The following CNTNAP5 variants were observed in gnomAD, a reference collection of about 807,000 sequenced individuals.
The protein encoded by CNTNAP5 is contactin associated protein family member 5, also known as contactin-associated protein-like 5.
Under a neutral mutation model 150.2 loss-of-function variants are expected in CNTNAP5, and 72 were observed. That is an observed-to-expected ratio of 0.48 (90% CI 0.40 to 0.58). CNTNAP5 has a LOEUF of 0.58. Ranked by LOEUF, CNTNAP5 falls within the 20% of genes least tolerant of loss-of-function variation. The pLI, the probability that CNTNAP5 is intolerant of heterozygous loss-of-function variation, is 0.00. For missense variants in CNTNAP5, 1,636 were observed against 1,626.2 expected, an observed-to-expected ratio of 1.01 and a Z score of -0.10; for synonymous variants, 672 against 619.8, an observed-to-expected ratio of 1.08 and a Z score of -1.25.
At chr2:124,740,894 A>G (rs1680484310) in intron 13 of CNTNAP5, among the ~76,000 whole-genome samples, 1 of 152,032 alleles carries the variant, frequency 6.6e-6, no homozygotes, top group South Asian at 2.1e-4. Context: ...GGGCAGGTGG[A>G]AACATGCATG....
intron 1 of CNTNAP5, among the ~76,000 whole-genome samples, chr2:124,062,248 T>G (rs1326421187): frequency 6.6e-6 from 1 of 152,198 alleles, no homozygotes; most frequent in African/African-American, 2.4e-5. Flanking sequence ...ACTGCTCCTA[T>G]TATTATAACC....
chr2:124,536,521 G>A (rs369494704), intron 10 of CNTNAP5, among the ~76,000 whole-genome samples: 14 of 152,078 alleles, frequency 9.2e-5, no homozygotes, highest in Middle Eastern at 3.2e-3. Flanking sequence ...GGTGATCGCC[G>A]TTTTCTACAT....
intron 3 of CNTNAP5, among the ~76,000 whole-genome samples, chr2:124,271,425 G>A (rs1687748757): frequency 1.3e-5 from 2 of 152,054 alleles, no homozygotes; most frequent in East Asian, 1.9e-4. Flanking sequence ...GGAGATGGGG[G>A]TTGGCTAGAA....
At chr2:124,389,034 A>G (rs1691039776) in intron 3 of CNTNAP5, among the ~76,000 whole-genome samples, 1 of 152,190 alleles carries the variant, frequency 6.6e-6, no homozygotes, top group Non-Finnish European at 1.5e-5. Context: ...GGCTACAGGA[A>G]CGCCATATTT....
intron 3 of CNTNAP5, among the ~76,000 whole-genome samples, chr2:124,291,302 T>G (rs1279794941): frequency 1.3e-5 from 2 of 152,128 alleles, no homozygotes; most frequent in Admixed American, 1.3e-4. Context: ...ATTAACACAA[T>G]CAATATTTTC....
chr2:124,469,721 C>T (rs995072527), intron 6 of CNTNAP5, among the ~76,000 whole-genome samples: 1 of 152,108 alleles, frequency 6.6e-6, no homozygotes, highest in Admixed American at 6.6e-5. Flanking sequence ...TCCTGATGCT[C>T]TCCCTCCTCC....
At chr2:124,214,415 C>T (rs1686103388) in intron 1 of CNTNAP5, among the ~76,000 whole-genome samples, 1 of 152,182 alleles carries the variant, frequency 6.6e-6, no homozygotes, top group African/African-American at 2.4e-5. Context: ...TCACCAGTCA[C>T]TATTGCAGTG....
At chr2:124,524,224 C>T (rs1694913390) in intron 8 of CNTNAP5, 79 bp from the exon 9 acceptor site, 4 of 1,455,926 alleles carry the variant, frequency 2.7e-6, no homozygotes, top group Non-Finnish European at 3.8e-6. Context: ...TGGACGGCAG[C>T]AGGCTGGGAA....
chr2:124,854,817 T>C (rs1302227352), intron 19 of CNTNAP5, among the ~76,000 whole-genome samples: 2 of 152,188 alleles, frequency 1.3e-5, no homozygotes, highest in African/African-American at 4.8e-5. Context: ...ATTTGTATTC[T>C]ACGTGACCAG....
intron 11 of CNTNAP5, among the ~76,000 whole-genome samples, chr2:124,568,017 T>C (rs891775480): frequency 2.6e-5 from 4 of 152,160 alleles, no homozygotes; most frequent in African/African-American, 7.2e-5. Flanking sequence ...TAGTAAATGG[T>C]AGAAGTTGGG....
In CNTNAP5 at chr2:124,713,269, C is replaced by CTTTCTTTCT. The variant is rs1241851758; in HGVS notation, c.2078-33957_2078-33949dup. On this transcript the variant is annotated intron_variant, in intron 13 of 23. Coordinates refer to ENST00000682447, the MANE Select transcript of CNTNAP5 (RefSeq NM_001367498.1). ...TCTTTCTTTCTTTCTTTCTTTCTTT[C>CTTTCTTTCT]TTTCTTTCTTTCTTTCTTTCTTTCT... Among the ~76,000 whole-genome samples the CTTTCTTTCT allele has an allele frequency of 7.6e-5, 8 of 105,728 alleles. 1 individual carries two copies. The highest frequency in any genetic ancestry group is 2.6e-4 in the African/African-American group (8 of 31,238). The allele number at this position is 105,728 out of a possible 152,430, so 69.4% of individuals were successfully genotyped here. A position where few individuals can be genotyped will look rare whatever the true frequency, so the allele number is the denominator to read the frequency against.
intron 6 of CNTNAP5, among the ~76,000 whole-genome samples, chr2:124,451,448 T>C (rs1243091906): frequency 6.6e-6 from 1 of 152,002 alleles, no homozygotes; most frequent in Non-Finnish European, 1.5e-5. Context: ...TTTAAAACCA[T>C]GTGACTGTTC....
intron 19 of CNTNAP5, among the ~76,000 whole-genome samples, chr2:124,830,660 A>T (rs1682695026): frequency 6.6e-6 from 1 of 152,070 alleles, no homozygotes; most frequent in South Asian, 2.1e-4. Flanking sequence ...CAATTCAGAC[A>T]TATCAAGAAA....
intron 3 of CNTNAP5, among the ~76,000 whole-genome samples, chr2:124,319,232 A>G (rs982445614): frequency 5.3e-5 from 8 of 152,210 alleles, no homozygotes; most frequent in South Asian, 2.1e-4. Flanking sequence ...TAACATGCTC[A>G]TTAATACATA....
intron 12 of CNTNAP5, among the ~76,000 whole-genome samples, chr2:124,642,828 A>G (rs1019703240): frequency 6.6e-6 from 1 of 152,216 alleles, no homozygotes; most frequent in Non-Finnish European, 1.5e-5. Context: ...TATGCATTTC[A>G]TGTCCTAAAA....
At chr2:124,291,651 A>G (rs1042884245) in intron 3 of CNTNAP5, among the ~76,000 whole-genome samples, 1 of 152,152 alleles carries the variant, frequency 6.6e-6, no homozygotes, top group Non-Finnish European at 1.5e-5. Context: ...ATAAACACTG[A>G]CACACTGCTT....
At chr2:124,563,480 G>T (rs1010429971) in intron 11 of CNTNAP5, among the ~76,000 whole-genome samples, 157 bp downstream of exon 11, 2 of 152,174 alleles carry the variant, frequency 1.3e-5, no homozygotes, top group African/African-American at 2.4e-5. Flanking sequence ...ACTTTGTTGG[G>T]CTCAGAGGAT....
chr2:124,271,619 A>T (rs1176241744), intron 3 of CNTNAP5, among the ~76,000 whole-genome samples: 1 of 152,112 alleles, frequency 6.6e-6, no homozygotes, highest in African/African-American at 2.4e-5. Context: ...TTGGCTTGGA[A>T]AAGATACAGC....
intron 3 of CNTNAP5, among the ~76,000 whole-genome samples, chr2:124,292,117 T>C (rs999462277): frequency 2.6e-5 from 4 of 152,104 alleles, no homozygotes; most frequent in African/African-American, 9.7e-5. Flanking sequence ...GTGCAAAAAA[T>C]ATACACAGCT....
Sources: gnomAD v4.1 joint callset for allele counts (sites outside exome capture counted in the v4.1 genomes callset) on GRCh38, gnomAD v4.1.1 for gene constraint, MANE v1.5 for transcripts, NCBI Gene and HGNC (gene_info 2026-07-23, HGNC 2026-07-21) for gene names.